LURAP1L: variants seen among roughly 807,000 people sequenced by gnomAD.
LURAP1L encodes the protein leucine rich adaptor protein 1 like.
LURAP1L carries 12 observed loss-of-function variants against 13.8 expected under a neutral mutation model. The observed-to-expected ratio is 0.87, with a 90% CI of 0.56 to 1.41. The LOEUF (loss-of-function observed/expected upper bound fraction) is 1.41. Ranked by LOEUF, LURAP1L falls within the 40% of genes most tolerant of loss-of-function variation. The probability of loss-of-function intolerance (pLI) is 0.00; values close to 1 mark genes in which losing one functional copy is unlikely to be tolerated. For synonymous variants in LURAP1L, 139 were observed against 119.2 expected (o/e 1.17, Z -1.08); for missense variants, 375 against 292.9 (o/e 1.28, Z -2.04).
chr9:12,785,801 C>A (rs1819342281), intron 1 of LURAP1L, among the ~76,000 whole-genome samples: 1 of 152,130 alleles, frequency 6.6e-6, no homozygotes, highest in African/African-American at 2.4e-5. Context: ...TGCCTTCTTC[C>A]TTGATATGAT....
At chr9:12,785,423 C>T (rs1819336386) in intron 1 of LURAP1L, among the ~76,000 whole-genome samples, 1 of 151,998 alleles carries the variant, frequency 6.6e-6, no homozygotes, top group Non-Finnish European at 1.5e-5. Flanking sequence ...CAGCACAGTA[C>T]CAGAACTTGC....
chr9:12,781,146 T>C (rs1387624210), intron 1 of LURAP1L, among the ~76,000 whole-genome samples: 2 of 152,100 alleles, frequency 1.3e-5, no homozygotes, highest in Non-Finnish European at 2.9e-5. Context: ...TAATTTTGTA[T>C]TTTTAGTAGA....
rs767853430 is a variant in LURAP1L, at chr9:12,775,839, C to A, written c.124C>A (p.Pro42Thr). Reference protein sequence around the residue: ...EPVPRERDRDPCGGSGGGGGG... With the variant: ...EPVPRERDRDTCGGSGGGGGG... Reference sequence around the variant, plus strand: ...GGTTCCCAGGGAAAGGGACAGGGACCCCTGCGGGGGGAGCGGTGGTGGTGG... The same window carrying A: ...GGTTCCCAGGGAAAGGGACAGGGACACCTGCGGGGGGAGCGGTGGTGGTGG... The change falls in exon 1 of 2, where the codon CCC becomes ACC. Residue 42 changes from proline to threonine, a missense_variant. Coordinates refer to ENST00000319264, the MANE Select transcript of LURAP1L (RefSeq NM_203403.2). The A allele has an allele frequency of 6.9e-6, 11 of 1,598,932 alleles. No homozygotes were observed. The African/African-American group carries it at 1.5e-4, about 22-fold the overall frequency.
chr9:12,786,581 T>TATATATAAAC (rs61134838), intron 1 of LURAP1L, among the ~76,000 whole-genome samples: 86 of 121,398 alleles, frequency 7.1e-4, no homozygotes, highest in East Asian at 1.7e-3. Context: ...TATATATATA[T>TATATATAAAC]AAACCCTTGT....
chr9:12,813,761 G>T lies in LURAP1L; in HGVS notation c.313-7625G>T, dbSNP rs780372264. 3.3e-5 allele frequency among the ~76,000 whole-genome samples: 5 copies of T among 152,100 alleles called. No homozygotes were observed. In the East Asian group the frequency reaches 9.6e-4, roughly 29 times the overall value. On this transcript the variant is annotated intron_variant, in intron 1 of 1. Coordinates refer to ENST00000319264, the MANE Select transcript of LURAP1L (RefSeq NM_203403.2). ...AAATTCCAACATAACCCATGCTGAG[G>T]CTGAAACAAATTTCAGTTTAATTAA...
chr9:12,777,514 G>A (rs1819205298), intron 1 of LURAP1L: 2 of 983,350 alleles, frequency 2.0e-6, no homozygotes, highest in South Asian at 4.7e-5. Flanking sequence ...CATGTCTTCT[G>A]TAATTTTACC....
At chr9:12,790,717 C>CG (rs556528413) in intron 1 of LURAP1L, 124 of 149,862 alleles carry the variant, frequency 8.3e-4, no homozygotes, top group African/African-American at 2.9e-3. Flanking sequence ...TCAGAGTTGT[C>CG]GGAAGAGTAG....
rs113680806 is a variant in LURAP1L at position 12,819,269 on chromosome 9, G to A, written c.313-2117G>A. On this transcript the variant is annotated intron_variant, in intron 1 of 1. Transcript: ENST00000319264. ...TGACTCAAGTCACTTCAGTATTCCA[G>A]CAAAATTAATGGATTTTAAATTGTA... 2.6e-5 allele frequency among the ~76,000 whole-genome samples: 4 copies of A among 152,248 alleles called. 1 individual carries two copies. Among genetic ancestry groups the A allele is most frequent in the African/African-American group, 9.6e-5 (4 of 41,562 alleles).
chr9:12,815,021 G>A (rs966009883), intron 1 of LURAP1L, among the ~76,000 whole-genome samples: 1 of 152,192 alleles, frequency 6.6e-6, no homozygotes, highest in Non-Finnish European at 1.5e-5. Flanking sequence ...CTTTTCACCT[G>A]AAGCATTCCA....
intron 1 of LURAP1L, among the ~76,000 whole-genome samples, chr9:12,798,182 T>C (rs1006934923): frequency 6.6e-6 from 1 of 152,152 alleles, no homozygotes; most frequent in African/African-American, 2.4e-5. Context: ...GGGCAGCATC[T>C]GAGCAAGAAT....
chr9:12,808,164 T>G (rs546475196), intron 1 of LURAP1L, among the ~76,000 whole-genome samples: 1 of 152,144 alleles, frequency 6.6e-6, no homozygotes, highest in East Asian at 1.9e-4. Context: ...TTCCTAATGC[T>G]CTTCCATTTT....
At chr9:12,780,257 C>G (rs751972631) in intron 1 of LURAP1L, among the ~76,000 whole-genome samples, 17 of 152,198 alleles carry the variant, frequency 1.1e-4, no homozygotes, top group Non-Finnish European at 2.2e-4. Flanking sequence ...TTATCCTCTT[C>G]TTCTCAAATG....
chr9:12,788,970 G>T (rs1309786763), intron 1 of LURAP1L, among the ~76,000 whole-genome samples: 1 of 151,178 alleles, frequency 6.6e-6, no homozygotes, highest in Admixed American at 6.6e-5. Context: ...AGGAGGCAGG[G>T]TCAGGAGGAT....
At position 12,775,981 on chromosome 9, in the gene LURAP1L, C is replaced by T. The variant is rs1819174896; in HGVS notation, c.266C>T (p.Ala89Val). ...TCCCCACGAGGTAGCCACTCTAGCG[C>T]CCTGGAGAGGCTAGAAACCAAGCTT... is the stretch of plus-strand genomic sequence containing the variant. ...SGSPRGSHSS[A>V]LERLETKLHL... Residue 89 changes from alanine (A) to valine (V), a missense_variant, in exon 1 of 2, where the codon GCC (alanine) becomes GTC (valine). Ala to Val is a moderately conservative substitution (Grantham distance 64, BLOSUM62 0). Coordinates refer to ENST00000319264, the MANE Select transcript of LURAP1L (RefSeq NM_203403.2). 3 of 1,607,286 alleles carry T rather than the reference C, an allele frequency of 1.9e-6. No homozygotes were observed. Among genetic ancestry groups the T allele is most frequent in the Non-Finnish European group, 2.5e-6 (3 of 1,177,122 alleles).
At chr9:12,809,975 T>G (rs568209020) in intron 1 of LURAP1L, among the ~76,000 whole-genome samples, 84 of 152,316 alleles carry the variant, frequency 5.5e-4, no homozygotes, top group African/African-American at 1.9e-3. Flanking sequence ...GAAGAGGAAG[T>G]GTTCTCCTGT....
At chr9:12,779,036 A>G (rs1819230714) in intron 1 of LURAP1L, among the ~76,000 whole-genome samples, 1 of 152,174 alleles carries the variant, frequency 6.6e-6, no homozygotes, top group Non-Finnish European at 1.5e-5. Flanking sequence ...TAACAATAAA[A>G]TAAAACAGTG....
At chr9:12,808,904 T>C (rs1819699282) in intron 1 of LURAP1L, among the ~76,000 whole-genome samples, 1 of 152,150 alleles carries the variant, frequency 6.6e-6, no homozygotes, top group Admixed American at 6.5e-5. Context: ...CTGAGACTGG[T>C]TAATGTATAA....
intron 1 of LURAP1L, among the ~76,000 whole-genome samples, chr9:12,820,179 G>C (rs1819854250): frequency 6.6e-6 from 1 of 152,126 alleles, no homozygotes; most frequent in Non-Finnish European, 1.5e-5. Flanking sequence ...TGTGGAGATA[G>C]ATATCCCTGA....
intron 1 of LURAP1L, among the ~76,000 whole-genome samples, chr9:12,789,898 G>T (rs1176522842): frequency 6.6e-6 from 1 of 152,186 alleles, no homozygotes; most frequent in African/African-American, 2.4e-5. Context: ...CCATGGACAA[G>T]AATCTGAGAC....
Sources: allele counts gnomAD v4.1 joint callset (sites outside exome capture counted in the v4.1 genomes callset), GRCh38; gene constraint gnomAD v4.1.1; transcripts MANE v1.5; gene names NCBI Gene and HGNC (gene_info 2026-07-23, HGNC 2026-07-21).